Variants in NUP107 observed in about 807,000 individuals in gnomAD.
NUP107 encodes nuclear pore complex protein Nup107.
Under a neutral mutation model 141.0 loss-of-function variants are expected in NUP107, and 101 were observed. That is an observed-to-expected ratio of 0.72 (90% CI 0.61 to 0.84). The LOEUF is 0.84. Ranked by LOEUF, NUP107 falls within the 40% of genes least tolerant of loss-of-function variation. The probability of loss-of-function intolerance (pLI) is 0.00; values close to 1 mark genes in which losing one functional copy is unlikely to be tolerated. For synonymous variants in NUP107, 319 were observed against 363.9 expected (o/e 0.88, Z 1.41); for missense variants, 941 against 1,102.7 (o/e 0.85, Z 2.08).
At chr12:68,705,892 G>C (rs1876555538) in intron 8 of NUP107, 1 of 865,968 alleles carries the variant, frequency 1.2e-6, no homozygotes, top group South Asian at 1.3e-5. Context: ...CATCCAAGCT[G>C]TGTGCACCCA....
Position 68,728,330 on chromosome 12 carries a change from G to A in NUP107, c.1734+941G>A, listed in dbSNP as rs1014142957. 5.3e-5 allele frequency among the ~76,000 whole-genome samples: 8 copies of A among 149,534 alleles called. No homozygotes were observed. The East Asian group carries it at 5.9e-4, about 11-fold the overall frequency. Reference sequence around the variant, plus strand: ...AATCAGGCCAGACGTGGTGGCTTGCGCCTGTAATCCCAGCACTTTGGGAAA... The same window carrying A: ...AATCAGGCCAGACGTGGTGGCTTGCACCTGTAATCCCAGCACTTTGGGAAA... On this transcript the variant is annotated intron_variant, in intron 20 of 27. Transcript: ENST00000229179.
intron 8 of NUP107, among the ~76,000 whole-genome samples, chr12:68,703,962 A>G (rs1876458228): frequency 6.6e-6 from 1 of 152,170 alleles, no homozygotes; most frequent in East Asian, 1.9e-4. Flanking sequence ...TGGTCCCAGC[A>G]ACTTGTCAGG....
rs767871854 is a variant in NUP107 at position 68,687,015 on chromosome 12, C to T, written c.-51C>T. ...TCCGGAGAGCGGGAAGGCTAAAACG[C>T]GGTAGCTAAACTGCAGCCAACTTTG... On this transcript the variant is annotated 5_prime_UTR_variant, in exon 1 of 28. Coordinates refer to ENST00000229179, the MANE Select transcript of NUP107 (RefSeq NM_020401.4). 9.3e-6 allele frequency: 15 copies of T among 1,613,582 alleles called. No homozygotes were observed. Among genetic ancestry groups the T allele is most frequent in the Middle Eastern group, 1.7e-4 (1 of 6,042 alleles).
chr12:68,710,439 G>A (rs527540826), intron 10 of NUP107, among the ~76,000 whole-genome samples: 26 of 152,072 alleles, frequency 1.7e-4, no homozygotes, highest in African/African-American at 2.6e-4. Context: ...GGGGGATCAC[G>A]AGGTCAGGAG....
chr12:68,689,673 C>A, intron 3 of NUP107, 54 bp downstream of exon 3: 1 of 1,070,008 alleles, frequency 9.3e-7, no homozygotes, highest in Non-Finnish European at 1.4e-6. Flanking sequence ...ATAATAGCAA[C>A]TAACATTTAT....
chr12:68,725,103 C>CAT (rs1877504497), intron 17 of NUP107, among the ~76,000 whole-genome samples: 1 of 152,006 alleles, frequency 6.6e-6, no homozygotes, highest in African/African-American at 2.4e-5. Flanking sequence ...AAATAAATTC[C>CAT]ATATAGAGCA....
rs1192215570 is a variant in NUP107, at chr12:68,711,353, A to T, written c.890+1260A>T. Among the ~76,000 whole-genome samples the T allele has an allele frequency of 9.2e-5, 14 of 151,954 alleles. No homozygotes were observed. The South Asian group carries it at 2.3e-3, about 25-fold the overall frequency. On this transcript the variant is annotated intron_variant, in intron 10 of 27. Transcript: ENST00000229179. Reference sequence around the variant, plus strand: ...GTGACAGAGTGAGACCCTGTCTCAAAAAATAAATAAATAAATAAAATAAAA... The same window carrying T: ...GTGACAGAGTGAGACCCTGTCTCAATAAATAAATAAATAAATAAAATAAAA...
rs575092640 is a variant in NUP107, at chr12:68,709,458, C to A, written c.801+149C>A. On this transcript the variant is annotated intron_variant, in intron 9 of 27. Coordinates refer to ENST00000229179, the MANE Select transcript of NUP107 (RefSeq NM_020401.4). ...ATTTGCAATTAAAAGGAATTAGAAA[C>A]CTTATTCTTTGATTTTTAAGTAATA... 390 of 499,526 alleles carry A rather than the reference C, an allele frequency of 7.8e-4. 2 individuals carry two copies. The highest frequency in any genetic ancestry group is 6.7e-3 in the African/African-American group (338 of 50,722). 30.9% of individuals were successfully genotyped at this position (499,526 alleles called of 1,614,324 possible). A position where few individuals can be genotyped will look rare whatever the true frequency, so the allele number is the denominator to read the frequency against.
Position 68,735,278 on chromosome 12 carries a change from T to C in NUP107, c.2436T>C (p.Asp812=). The change falls in exon 26 of 28, where the codon GAT becomes GAC. Residue 812 remains aspartate, a synonymous_variant. Coordinates refer to ENST00000229179, the MANE Select transcript of NUP107 (RefSeq NM_020401.4). ...GGCATTTGGATGCCCTAACTGCTGA[T>C]GTGAAGGAGAAAATGTATAACGTCT... is the stretch of plus-strand genomic sequence containing the variant. The part of the protein sequence containing the change: ...WKGHLDALTA[D]VKEKMYNVLL... 2 of 1,614,084 alleles carry C rather than the reference T, an allele frequency of 1.2e-6. No individual in the cohort carries two copies. The highest frequency in any genetic ancestry group is 1.7e-6 in the Non-Finnish European group (2 of 1,179,972).
At chr12:68,732,123 T>C (rs1346440040) in intron 22 of NUP107, among the ~76,000 whole-genome samples, 1 of 152,144 alleles carries the variant, frequency 6.6e-6, no homozygotes, top group African/African-American at 2.4e-5. Context: ...ATTAATATTT[T>C]CTATAATTTA....
intron 26 of NUP107, 122 bp downstream of exon 26, chr12:68,735,466 C>A: frequency 2.9e-6 from 2 of 682,870 alleles, no homozygotes; most frequent in Non-Finnish European, 5.2e-6. Context: ...ATAGCTAAAT[C>A]CCATGTTTTA....
chr12:68,692,933 A>G (rs1256760208), intron 5 of NUP107, among the ~76,000 whole-genome samples: 1 of 151,796 alleles, frequency 6.6e-6, no homozygotes, highest in Non-Finnish European at 1.5e-5. Context: ...TATTTTTAGT[A>G]GAAACGGGGT....
intron 5 of NUP107, 26 bp from the exon 6 acceptor site, chr12:68,696,793 C>CTT (rs35640989): frequency 0.027 from 27,690 of 1,019,046 alleles, 45 homozygotes; most frequent in East Asian, 0.037. Context: ...TTCTTTATTC[C>CTT]TTTTTTTTTT....
chr12:68,708,027 G>A (rs769970389), intron 8 of NUP107, among the ~76,000 whole-genome samples: 2 of 151,958 alleles, frequency 1.3e-5, no homozygotes, highest in Non-Finnish European at 2.9e-5. Context: ...GGAGGCAGAG[G>A]TTGCAATGAG....
chr12:68,732,984 T>A (rs901966035), intron 23 of NUP107, among the ~76,000 whole-genome samples: 3 of 152,168 alleles, frequency 2.0e-5, no homozygotes, highest in African/African-American at 7.2e-5. Flanking sequence ...CACCCAGATT[T>A]TTTATTCTTT....
At chr12:68,690,100 A>G (rs560031493) in intron 3 of NUP107, among the ~76,000 whole-genome samples, 23 of 152,038 alleles carry the variant, frequency 1.5e-4, no homozygotes, top group African/African-American at 5.5e-4. Context: ...GAATTGCTTG[A>G]ACCCGGAAGG....
chr12:68,745,207 T>A lies in NUP107; in HGVS notation c.*2745T>A, dbSNP rs1027794248. Reference sequence around the variant, plus strand: ...CTGGGACTACAGGCCCACGCCACCATGCCCTACTTCCTCATTTATTTTAAA... The same window carrying A: ...CTGGGACTACAGGCCCACGCCACCAAGCCCTACTTCCTCATTTATTTTAAA... On this transcript the variant is annotated 3_prime_UTR_variant, in exon 28 of 28. Coordinates refer to ENST00000229179, the MANE Select transcript of NUP107 (RefSeq NM_020401.4). The A allele has an allele frequency of 5.9e-5, 9 of 152,348 alleles. No homozygotes were observed. The highest frequency in any genetic ancestry group is 3.9e-4 in the Admixed American group (6 of 15,298). 9.4% of individuals were successfully genotyped at this position (152,348 alleles called of 1,614,324 possible).
At chr12:68,717,955 A>G (rs1385995898) in intron 12 of NUP107, among the ~76,000 whole-genome samples, 1 of 152,206 alleles carries the variant, frequency 6.6e-6, no homozygotes, top group Non-Finnish European at 1.5e-5. Flanking sequence ...TCTGGGTTCA[A>G]GTGATAGAAA....
chr12:68,706,528 C>T (rs1876589237), intron 8 of NUP107: 3 of 676,734 alleles, frequency 4.4e-6, no homozygotes, highest in East Asian at 2.6e-5. Flanking sequence ...TGGGATGACC[C>T]GTGGTGCACA....
Sources: allele counts gnomAD v4.1 joint callset (sites outside exome capture counted in the v4.1 genomes callset), GRCh38; gene constraint gnomAD v4.1.1; transcripts MANE v1.5; gene names NCBI Gene and HGNC (gene_info 2026-07-23, HGNC 2026-07-21).